The following WNK2 variants were observed in gnomAD, a reference collection of about 807,000 sequenced individuals.
WNK2 encodes serine/threonine-protein kinase WNK2.
WNK2 carries 67 observed loss-of-function variants against 192.1 expected under a neutral mutation model. The observed-to-expected ratio is 0.35, with a 90% CI of 0.29 to 0.43. The LOEUF is 0.43. WNK2 is among the 20% of genes least tolerant of loss of function. The probability of loss-of-function intolerance (pLI) is 1.00; values close to 1 mark genes in which losing one functional copy is unlikely to be tolerated. For missense variants in WNK2, 2,698 were observed against 3,089.7 expected (o/e 0.87, Z 3.01); for synonymous variants, 1,439 against 1,393.9 (o/e 1.03, Z -0.72).
chr9:93,298,149 G>A (rs1850935314), intron 24 of WNK2, 82 bp downstream of exon 24: 2 of 1,453,968 alleles, frequency 1.4e-6, no homozygotes, highest in Non-Finnish European at 9.3e-7. Flanking sequence ...CCGTGCAGGT[G>A]TGACACCCTC....
At chr9:93,281,188 A>G (rs990768233) in intron 19 of WNK2, among the ~76,000 whole-genome samples, 10 of 152,190 alleles carry the variant, frequency 6.6e-5, no homozygotes, top group African/African-American at 2.4e-4. Flanking sequence ...CAAAACTTAG[A>G]TATGTGCAAC....
At chr9:93,295,087 C>T (rs1469624804) in intron 23 of WNK2, among the ~76,000 whole-genome samples, 1 of 152,154 alleles carries the variant, frequency 6.6e-6, no homozygotes, top group Non-Finnish European at 1.5e-5. Flanking sequence ...TGTGCTGAGC[C>T]CAGCCTGTGC....
rs914341381 is a variant in WNK2, at chr9:93,262,687, C to T, written c.3378C>T (p.Asp1126=). 2.3e-5 allele frequency: 37 copies of T among 1,612,494 alleles called. No homozygotes were observed. Among genetic ancestry groups the T allele is most frequent in the Non-Finnish European group, 3.1e-5 (36 of 1,179,894 alleles). Residue 1126 remains aspartate (D), a synonymous_variant, in exon 14 of 30, where the codon GAC becomes GAT. Transcript: ENST00000427277. ...TATTTCAGGAGCAGGCCTCACAGGA[C>T]AAGCCGCCCGGCCTCCCGCAGAGCT... The part of the protein sequence containing the change: ...EPVQEEQASQ[D]KPPGLPQSCE...
At position 93,229,668 on chromosome 9, in the gene WNK2, C is replaced by G. The variant is rs1305440542; in HGVS notation, c.682-28C>G. On this transcript the variant is annotated intron_variant, in intron 2 of 29. Coordinates refer to ENST00000427277, the MANE Select transcript of WNK2 (RefSeq NM_006648.4). This position sits in a 1 kb window ranked among gnomAD's most constrained non-coding sequence, Gnocchi z 4.9. ...GTCCCCTTCTGTGTCCCATCTCTTG[C>G]CCACTTAGCATGTCTCTTGCCCTGT... 9.4e-6 allele frequency: 15 copies of G among 1,601,846 alleles called. No homozygotes were observed. The South Asian group carries it at 1.6e-4, about 17-fold the overall frequency.
chr9:93,263,431 A>G (rs1844612896), intron 14 of WNK2, 135 bp from the exon 15 acceptor site: 11 of 892,618 alleles, frequency 1.2e-5, no homozygotes. Flanking sequence ...GTATTCGCAC[A>G]GGACGGGCTG....
intron 2 of WNK2, among the ~76,000 whole-genome samples, chr9:93,197,386 G>A (rs1185040243): frequency 2.0e-5 from 3 of 152,354 alleles, no homozygotes; most frequent in South Asian, 4.1e-4. Flanking sequence ...CAAGGATCAC[G>A]TGTTGTGTCT....
chr9:93,222,785 C>T (rs1165215606), intron 2 of WNK2, among the ~76,000 whole-genome samples: 6 of 151,950 alleles, frequency 3.9e-5, no homozygotes, highest in South Asian at 2.1e-4. Context: ...CGGGTTCAAG[C>T]GATTCTCCTG....
intron 19 of WNK2, among the ~76,000 whole-genome samples, chr9:93,286,860 A>G (rs985828623): frequency 6.6e-6 from 1 of 152,256 alleles, no homozygotes; most frequent in African/African-American, 2.4e-5. Flanking sequence ...TTGCGACGAC[A>G]TGGATGAACC....
At chr9:93,299,383 C>G in intron 25 of WNK2, 122 bp downstream of exon 25, 1 of 1,004,518 alleles carries the variant, frequency 1.0e-6, no homozygotes, top group East Asian at 3.0e-5. Flanking sequence ...TGTTGAGAGG[C>G]TTCTTTTAAA....
chr9:93,248,037 G>T (rs1842037433), intron 8 of WNK2, among the ~76,000 whole-genome samples: 1 of 152,268 alleles, frequency 6.6e-6, no homozygotes, highest in South Asian at 2.1e-4. Flanking sequence ...TTAGCTGTAG[G>T]TAGTTTCCGG....
chr9:93,243,458 C>T (rs538494291), intron 7 of WNK2, among the ~76,000 whole-genome samples: 1 of 152,210 alleles, frequency 6.6e-6, no homozygotes, highest in African/African-American at 2.4e-5. Context: ...GGCCCGAGCA[C>T]CTTCACCCCC....
chr9:93,318,593 C>A (rs1855138544), intron 29 of WNK2: 1 of 1,608,096 alleles, frequency 6.2e-7, no homozygotes, highest in Non-Finnish European at 8.5e-7. Context: ...GAAACCCTGG[C>A]TGCCCGCCCA....
At position 93,253,085 on chromosome 9, in the gene WNK2, GAGTC is replaced by G; in HGVS notation, c.2034+6_2034+9del. Reference sequence around the variant, plus strand: ...CCTACCAGCAGCCCACGGCTGCAGTGAGTCAGAGCATCACTCCCACCCCCTTCCC... The same window carrying G: ...CCTACCAGCAGCCCACGGCTGCAGTGAGAGCATCACTCCCACCCCCTTCCC... On this transcript the variant is annotated splice_donor_5th_base_variant and intron_variant, in intron 9 of 29. Coordinates refer to ENST00000427277, the MANE Select transcript of WNK2 (RefSeq NM_006648.4). The G allele has an allele frequency of 7.0e-7, 1 of 1,435,782 alleles. No homozygotes were observed. The highest frequency in any genetic ancestry group is 9.1e-7 in the Non-Finnish European group (1 of 1,094,708). 88.9% of individuals were successfully genotyped at this position (1,435,782 alleles called of 1,614,324 possible). A position where few individuals can be genotyped will look rare whatever the true frequency, so the allele number is the denominator to read the frequency against.
Position 93,317,717 on chromosome 9 carries a change from G to A in WNK2, c.6628+86G>A, listed in dbSNP as rs1005035943. On this transcript the variant is annotated intron_variant, in intron 29 of 29. Transcript: ENST00000427277. ...GCCTGCTCCCAGCTCCAGTGTCCTG[G>A]GGGCCCTGGGCAGGCCAGGTGGGCC... The A allele has an allele frequency of 2.6e-6, 4 of 1,526,118 alleles. No individual in the cohort carries two copies. The African/African-American group carries it at 5.5e-5, about 21-fold the overall frequency. The allele number at this position is 1,526,118 out of a possible 1,614,324, so 94.5% of individuals were successfully genotyped here.
chr9:93,263,833 GGAGGGGTACTTGGGGGTGTGT>G, intron 15 of WNK2, 63 bp from the exon 16 acceptor site: 1 of 529,368 alleles, frequency 1.9e-6, no homozygotes. Flanking sequence ...GGGGTGGGGG[GGAGGGGTACTTGGGGGTGTGT>G]GGGGGTGTGG....
At chr9:93,242,294 T>C (rs1416651453) in intron 7 of WNK2, among the ~76,000 whole-genome samples, 1 of 152,226 alleles carries the variant, frequency 6.6e-6, no homozygotes, top group East Asian at 1.9e-4. Flanking sequence ...CCCATTCTCA[T>C]CTGGCTTGTC....
intron 6 of WNK2, among the ~76,000 whole-genome samples, chr9:93,238,872 G>A (rs1439962031): frequency 6.6e-6 from 1 of 152,128 alleles, no homozygotes; most frequent in Non-Finnish European, 1.5e-5. Flanking sequence ...TTGGTCAGGT[G>A]GAAGGCTGGG....
intron 29 of WNK2, chr9:93,319,341 G>A: frequency 1.4e-6 from 2 of 1,391,336 alleles, no homozygotes; most frequent in South Asian, 3.2e-5. Context: ...AGGGTGCTGA[G>A]GGGCTGCGGG....
At position 93,314,893 on chromosome 9, in the gene WNK2, G is replaced by A. The variant is rs77940905; in HGVS notation, c.6517-2627G>A. Among the ~76,000 whole-genome samples the A allele has an allele frequency of 1.7e-3, 266 of 152,220 alleles. 1 individual carries two copies. The highest frequency in any genetic ancestry group is 6.1e-3 in the African/African-American group (255 of 41,544). On this transcript the variant is annotated intron_variant, in intron 28 of 29. Coordinates refer to ENST00000427277, the MANE Select transcript of WNK2 (RefSeq NM_006648.4). ...GGACTCTCTGGGGAGGCTTTCCCGG[G>A]GGGGGTTTTGCTGAAGCTTTGGCTA...
Sources: allele counts gnomAD v4.1 joint callset (sites outside exome capture counted in the v4.1 genomes callset), GRCh38; gene constraint gnomAD v4.1.1; non-coding constraint Gnocchi (gnomAD v3.1); transcripts MANE v1.5; gene names NCBI Gene and HGNC (gene_info 2026-07-23, HGNC 2026-07-21).